The following SV2B variants were observed in gnomAD, a reference collection of about 807,000 sequenced individuals.
SV2B encodes synaptic vesicle glycoprotein 2B, also known as solute carrier family 22 member B2.
In SV2B, 41 loss-of-function variants were observed where a neutral mutation model predicts 73.9. The observed-to-expected ratio is 0.56, with a 90% CI of 0.43 to 0.72. The LOEUF (loss-of-function observed/expected upper bound fraction) is 0.72. Ranked by LOEUF, SV2B falls within the 30% of genes least tolerant of loss-of-function variation. The pLI is 0.00. For missense variants in SV2B, 764 were observed against 857.8 expected (o/e 0.89, Z 1.37); for synonymous variants, 314 against 314.2 (o/e 1.00, Z 0.01).
rs1476236924 is a variant in SV2B, at chr15:91,245,520, G to T, written c.452-6299G>T. Among the ~76,000 whole-genome samples, 1 of 152,108 alleles carries T rather than the reference G, an allele frequency of 6.6e-6. No homozygotes were observed. The highest frequency in any genetic ancestry group is 1.5e-5 in the Non-Finnish European group (1 of 68,016). On this transcript the variant is annotated intron_variant, in intron 2 of 12. Transcript: ENST00000394232. The surrounding 1 kb of genome is among the most constrained non-coding windows in gnomAD (Gnocchi z 4.2). ...TATTGCTTTACCTTTTATACATTTT[G>T]GGGGGTATTCCTCAGATTTTCTTAC...
intron 9 of SV2B, among the ~76,000 whole-genome samples, chr15:91,270,917 C>T (rs74038409): frequency 0.25 from 20,784 of 84,498 alleles, 4,275 homozygotes; most frequent in African/African-American, 0.52. Context: ...GTCCTGTGGA[C>T]GATGGGAGGA....
rs150834953 is a variant in SV2B, at chr15:91,241,997, C to T, written c.452-9822C>T. 2.1e-5 allele frequency among the ~76,000 whole-genome samples: 3 copies of T among 143,256 alleles called. No homozygotes were observed. The highest frequency in any genetic ancestry group is 3.9e-4 in the East Asian group (2 of 5,112). The allele number at this position is 143,256 out of a possible 152,430, so 94.0% of individuals were successfully genotyped here. The stretch of plus-strand genomic sequence containing the variant: ...TCATCTTTAAGCAGGAGTTAATCCT[C>T]GCCTCTTCAGAAACCTGCTCTTGTC... On this transcript the variant is annotated intron_variant, in intron 2 of 12. Transcript: ENST00000394232. The surrounding 1 kb of genome is among the most constrained non-coding windows in gnomAD (Gnocchi z 4.8).
chr15:91,149,522 A>G (rs2043245896), intron 1 of SV2B, among the ~76,000 whole-genome samples: 1 of 152,226 alleles, frequency 6.6e-6, no homozygotes, highest in Non-Finnish European at 1.5e-5. Context: ...CCAAAGAAAG[A>G]ATGAGGATCT....
At position 91,140,226 on chromosome 15, in the gene SV2B, A is replaced by C. The variant is rs2042959552; in HGVS notation, c.-392+39863A>C. On this transcript the variant is annotated intron_variant, in intron 1 of 12. Coordinates refer to ENST00000394232, the MANE Select transcript of SV2B (RefSeq NM_001323032.3). The surrounding 1 kb of genome is among the most constrained non-coding windows in gnomAD (Gnocchi z 4.4). Reference sequence around the variant, plus strand: ...ATCACAATGCTCATTATTTTTCTTCAAAGTAATAGCAGCTAGGAACAAAGT... The same window carrying C: ...ATCACAATGCTCATTATTTTTCTTCCAAGTAATAGCAGCTAGGAACAAAGT... Among the ~76,000 whole-genome samples the C allele has an allele frequency of 6.6e-6, 1 of 152,216 alleles. No individual in the cohort carries two copies. Among genetic ancestry groups the C allele is most frequent in the Admixed American group, 6.5e-5 (1 of 15,286 alleles).
At position 91,289,661 on chromosome 15, in the gene SV2B, C is replaced by G; in HGVS notation, c.1849C>G (p.Leu617Val). ...TGCTCTGGATGTGATCACAGTGGAG[C>G]TGTATCCCACCAACCAGAGGTCAGT... ...WNALDVITVE[L>V]YPTNQRATAF... Residue 617 changes from leucine (L) to valine (V), a missense_variant, in exon 12 of 13, where the codon CTG becomes GTG. By Grantham distance (32) the Leu-to-Val change is conservative (BLOSUM62 1). Coordinates refer to ENST00000394232, the MANE Select transcript of SV2B (RefSeq NM_001323032.3). The surrounding 1 kb of genome is among the most constrained non-coding windows in gnomAD (Gnocchi z 4.9). The G allele has an allele frequency of 3.7e-6, 6 of 1,613,328 alleles. No individual in the cohort carries two copies. Among genetic ancestry groups the G allele is most frequent in the Non-Finnish European group, 5.1e-6 (6 of 1,179,878 alleles).
At position 91,197,448 on chromosome 15, in the gene SV2B, T is replaced by A. The variant is rs902188474; in HGVS notation, c.-391-28425T>A. 5.3e-5 allele frequency among the ~76,000 whole-genome samples: 8 copies of A among 151,578 alleles called. No individual in the cohort carries two copies. The highest frequency in any genetic ancestry group is 1.9e-4 in the African/African-American group (8 of 41,276). On this transcript the variant is annotated intron_variant, in intron 1 of 12. Transcript: ENST00000394232. This position sits in a 1 kb window ranked among gnomAD's most constrained non-coding sequence, Gnocchi z 4.9. ...CATGTTGGTCAGGCTGGTCTCAAAC[T>A]CCCGACTTCAGGTCATCCACCTGCC...
At position 91,123,086 on chromosome 15, in the gene SV2B, C is replaced by T. The variant is rs1279812379; in HGVS notation, c.-392+22723C>T. ...AGGAGTTTGAGACCAGCCTGGCCAA[C>T]ATGGCAAAACCCTGTTTCTACAAAA... On this transcript the variant is annotated intron_variant, in intron 1 of 12. Coordinates refer to ENST00000394232, the MANE Select transcript of SV2B (RefSeq NM_001323032.3). This position sits in a 1 kb window ranked among gnomAD's most constrained non-coding sequence, Gnocchi z 4.7. 3.9e-5 allele frequency among the ~76,000 whole-genome samples: 6 copies of T among 152,132 alleles called. No individual in the cohort carries two copies. Among genetic ancestry groups the T allele is most frequent in the Non-Finnish European group, 8.8e-5 (6 of 68,038 alleles).
At chr15:91,237,931 G>A (rs1048193192) in intron 2 of SV2B, among the ~76,000 whole-genome samples, 1 of 152,222 alleles carries the variant, frequency 6.6e-6, no homozygotes, top group Admixed American at 6.5e-5. Flanking sequence ...TCTGTGAGAT[G>A]AGTAGAGTGA....
rs1171490026 is a variant in SV2B at position 91,128,965 on chromosome 15, C to T, written c.-392+28602C>T. Among the ~76,000 whole-genome samples, 8 of 152,374 alleles carry T rather than the reference C, an allele frequency of 5.3e-5. No homozygotes were observed. Among genetic ancestry groups the T allele is most frequent in the Non-Finnish European group, 7.3e-5 (5 of 68,036 alleles). The stretch of plus-strand genomic sequence containing the variant: ...TTTGGGTCTTCATTCTGAAGGCTCC[C>T]GTGGATACACGTCAAATAAAGTTGT... On this transcript the variant is annotated intron_variant, in intron 1 of 12. Transcript: ENST00000394232. This position sits in a 1 kb window ranked among gnomAD's most constrained non-coding sequence, Gnocchi z 4.2.
chr15:91,284,847 T>C lies in SV2B; in HGVS notation c.1708+626T>C, dbSNP rs1463305136. Among the ~76,000 whole-genome samples, 1 of 152,226 alleles carries C rather than the reference T, an allele frequency of 6.6e-6. No individual in the cohort carries two copies. The highest frequency in any genetic ancestry group is 2.4e-5 in the African/African-American group (1 of 41,458). ...TTCTCAAAAATGGTAGCTATATTCA[T>C]GTATGCCTTGCCTCATTCCATCGGG... On this transcript the variant is annotated intron_variant, in intron 11 of 12. Coordinates refer to ENST00000394232, the MANE Select transcript of SV2B (RefSeq NM_001323032.3). This position sits in a 1 kb window ranked among gnomAD's most constrained non-coding sequence, Gnocchi z 4.5.
rs994778 is a variant in SV2B at position 91,241,674 on chromosome 15, C to A, written c.452-10145C>A. On this transcript the variant is annotated intron_variant, in intron 2 of 12. Coordinates refer to ENST00000394232, the MANE Select transcript of SV2B (RefSeq NM_001323032.3). The surrounding 1 kb of genome is among the most constrained non-coding windows in gnomAD (Gnocchi z 4.8). The stretch of plus-strand genomic sequence containing the variant: ...CCTTCCTCGCTGCCTCTGTGCTGAC[C>A]CCGTATTCTTGTGACAGTGGAGGAG... Among the ~76,000 whole-genome samples, 41,494 of 152,008 alleles carry A rather than the reference C, an allele frequency of 0.27. 7,839 individuals carry two copies. Among genetic ancestry groups the A allele is most frequent in the African/African-American group, 0.54 (22,406 of 41,398 alleles).
chr15:91,202,154 C>A (rs969568216), intron 1 of SV2B, among the ~76,000 whole-genome samples: 1 of 152,166 alleles, frequency 6.6e-6, no homozygotes, highest in South Asian at 2.1e-4. Flanking sequence ...CTGCCCCCGT[C>A]GCCTCTGGTC....
chr15:91,221,166 A>G (rs997071309), intron 1 of SV2B, among the ~76,000 whole-genome samples: 1 of 152,196 alleles, frequency 6.6e-6, no homozygotes, highest in African/African-American at 2.4e-5. Context: ...ATGCCCAGAC[A>G]ATAATTATGA....
chr15:91,193,192 C>T lies in SV2B; in HGVS notation c.-391-32681C>T, dbSNP rs1021762825. ...AGGTGAGCCTGAGATGGCAGCAAGA[C>T]GTAAGGGAGCCCCTGCAAGTGCCGC... On this transcript the variant is annotated intron_variant, in intron 1 of 12. Transcript: ENST00000394232. 4.6e-5 allele frequency among the ~76,000 whole-genome samples: 7 copies of T among 152,106 alleles called. No individual in the cohort carries two copies. The South Asian group carries it at 8.3e-4, about 18-fold the overall frequency.
At chr15:91,206,020 T>G (rs1288783782) in intron 1 of SV2B, among the ~76,000 whole-genome samples, 7 of 151,972 alleles carry the variant, frequency 4.6e-5, no homozygotes, top group African/African-American at 7.2e-5. Flanking sequence ...TTTTTGTTGT[T>G]GTGGTGGTGG....
At chr15:91,250,146 C>T (rs11853193) in intron 2 of SV2B, among the ~76,000 whole-genome samples, 44,000 of 152,062 alleles carry the variant, frequency 0.29, 7,101 homozygotes, top group African/African-American at 0.44. Flanking sequence ...TTCGACAGCA[C>T]ATTAAAAGGA....
intron 1 of SV2B, among the ~76,000 whole-genome samples, chr15:91,207,211 C>G (rs1003287367): frequency 7.3e-6 from 1 of 137,058 alleles, no homozygotes; most frequent in Non-Finnish European, 1.5e-5. Flanking sequence ...TTTTGAGAGA[C>G]GGGGTCTCAC....
Position 91,283,641 on chromosome 15 carries a change from A to C in SV2B, c.1508-380A>C, listed in dbSNP as rs1032908388. 1.3e-5 allele frequency among the ~76,000 whole-genome samples: 2 copies of C among 151,968 alleles called. No homozygotes were observed. The highest frequency in any genetic ancestry group is 2.9e-5 in the Non-Finnish European group (2 of 68,002). On this transcript the variant is annotated intron_variant, in intron 10 of 12. Coordinates refer to ENST00000394232, the MANE Select transcript of SV2B (RefSeq NM_001323032.3). This position sits in a 1 kb window ranked among gnomAD's most constrained non-coding sequence, Gnocchi z 4.3. ...TTTATTTATTTATTTATTTGTAGAG[A>C]TAAGGTCTCACTGTGTTGCCCAGGC...
rs1320793382 is a variant in SV2B at position 91,265,154 on chromosome 15, G to T, written c.1009-1428G>T. Among the ~76,000 whole-genome samples, 1 of 152,196 alleles carries T rather than the reference G, an allele frequency of 6.6e-6. No individual in the cohort carries two copies. Among genetic ancestry groups the T allele is most frequent in the African/African-American group, 2.4e-5 (1 of 41,446 alleles). On this transcript the variant is annotated intron_variant, in intron 6 of 12. Transcript: ENST00000394232. The surrounding 1 kb of genome is among the most constrained non-coding windows in gnomAD (Gnocchi z 4.2). ...TCCTGTGCGTGTCCCATCAGCAGAC[G>T]TGCTCATAGATGTATTCAGTGGCCT...
Sources: allele counts gnomAD v4.1 joint callset (sites outside exome capture counted in the v4.1 genomes callset), GRCh38; gene constraint gnomAD v4.1.1; non-coding constraint Gnocchi (gnomAD v3.1); transcripts MANE v1.5; gene names NCBI Gene and HGNC (gene_info 2026-07-23, HGNC 2026-07-21).